RSF1: variants seen among roughly 807,000 people sequenced by gnomAD.
RSF1 encodes remodeling and spacing factor 1, also known as HBV pX-associated protein 8.
RSF1 carries 13 observed loss-of-function variants against 145.2 expected under a neutral mutation model. The ratio of observed to expected loss-of-function variants is 0.09; its 90% confidence interval spans 0.06 to 0.14. RSF1 has a LOEUF of 0.14. RSF1 is among the 10% of genes least tolerant of loss of function. The pLI, the probability that RSF1 is intolerant of heterozygous loss-of-function variation, is 1.00. For synonymous variants in RSF1, 577 were observed against 592.6 expected (o/e 0.97, Z 0.38); for missense variants, 1,517 against 1,718.2 (o/e 0.88, Z 2.07).
chr11:77,717,161 A>C lies in RSF1; in HGVS notation c.733+8384T>G, dbSNP rs999116159. Among the ~76,000 whole-genome samples the C allele has an allele frequency of 5.6e-5, 7 of 126,098 alleles. No individual in the cohort carries two copies. In the East Asian group the frequency reaches 1.6e-3, roughly 29 times the overall value. 82.7% of individuals were successfully genotyped at this position (126,098 alleles called of 152,430 possible). Reference sequence around the variant, plus strand: ...CCACTGTACCCCAGCATGGGCAAAAAAAAAACAAAAACCAAAAACCAAAAA... The same window carrying C: ...CCACTGTACCCCAGCATGGGCAAAACAAAAACAAAAACCAAAAACCAAAAA... On this transcript the variant is annotated intron_variant, in intron 5 of 15. Transcript: ENST00000308488.
chr11:77,797,969 C>G (rs906070834), intron 1 of RSF1, among the ~76,000 whole-genome samples: 22 of 152,156 alleles, frequency 1.4e-4, no homozygotes, highest in African/African-American at 5.1e-4. Flanking sequence ...CCATCTCACG[C>G]CAGTTAGAAT....
the RSF1 span, among the ~76,000 whole-genome samples, chr11:77,849,418 T>C: frequency 2.0e-5 from 3 of 152,112 alleles, no homozygotes; most frequent in African/African-American, 7.2e-5. Context: ...AAAGATGGCT[T>C]TCACCATGTT....
chr11:77,693,038 A>G (rs1423700690), intron 8 of RSF1, among the ~76,000 whole-genome samples: 1 of 152,234 alleles, frequency 6.6e-6, no homozygotes. Context: ...CAATGAGCAC[A>G]GCAGCACAGA....
At chr11:77,825,971 C>T in the RSF1 span, among the ~76,000 whole-genome samples, 2 of 152,120 alleles carry the variant, frequency 1.3e-5, no homozygotes, top group Non-Finnish European at 2.9e-5. Flanking sequence ...GGATTACAAG[C>T]GTGAGCCACC....
intron 5 of RSF1, among the ~76,000 whole-genome samples, chr11:77,718,978 G>A (rs1416756379): frequency 6.6e-6 from 1 of 152,218 alleles, no homozygotes; most frequent in African/African-American, 2.4e-5. Flanking sequence ...GCTGGGTGCA[G>A]TGGCTCACGC....
chr11:77,820,814 A>C, upstream of RSF1: 32 of 1,240,754 alleles, frequency 2.6e-5, no homozygotes, highest in Non-Finnish European at 3.3e-5. Context: ...AGGCGCTCTC[A>C]AGTGGGCTCC....
At chr11:77,784,134 CT>C (rs1948431693) in intron 1 of RSF1, among the ~76,000 whole-genome samples, 1 of 152,180 alleles carries the variant, frequency 6.6e-6, no homozygotes, top group Non-Finnish European at 1.5e-5. Flanking sequence ...CTCAAATACA[CT>C]TTATGGAGGC....
chr11:77,842,943 A>C, the RSF1 span, among the ~76,000 whole-genome samples: 14 of 152,172 alleles, frequency 9.2e-5, no homozygotes, highest in African/African-American at 3.4e-4. Context: ...TACCACTCCT[A>C]GCCCCTAGAA....
upstream of RSF1, among the ~76,000 whole-genome samples, chr11:77,821,588 G>T (rs1032568120): frequency 1.3e-5 from 2 of 152,130 alleles, no homozygotes; most frequent in Non-Finnish European, 2.9e-5. Flanking sequence ...TCTGCTAGGG[G>T]GCCATGGTGT....
intron 4 of RSF1, among the ~76,000 whole-genome samples, chr11:77,736,010 T>C (rs967768364): frequency 9.2e-5 from 14 of 152,234 alleles, no homozygotes; most frequent in Non-Finnish European, 1.9e-4. Context: ...GTGCTGGGAT[T>C]ACAGGTGTGA....
chr11:77,747,471 T>C (rs1948013932), intron 2 of RSF1, among the ~76,000 whole-genome samples: 3 of 152,174 alleles, frequency 2.0e-5, no homozygotes, highest in Admixed American at 2.0e-4. Flanking sequence ...ATGACAAAAA[T>C]TTATTCATCT....
chr11:77,675,750 T>C (rs1462909818), intron 13 of RSF1, among the ~76,000 whole-genome samples: 1 of 152,244 alleles, frequency 6.6e-6, no homozygotes, highest in Non-Finnish European at 1.5e-5. Context: ...ATACTCACCT[T>C]AACTACAAAA....
intron 1 of RSF1, among the ~76,000 whole-genome samples, chr11:77,806,888 G>A (rs117383611): frequency 1.8e-4 from 27 of 152,318 alleles, no homozygotes; most frequent in Non-Finnish European, 3.4e-4. Context: ...AACAAGGGAT[G>A]AAGAGAAAAT....
upstream of RSF1, chr11:77,820,985 C>A: frequency 3.9e-6 from 2 of 517,576 alleles, no homozygotes; most frequent in East Asian, 6.5e-5. Context: ...TCGGGCTTGC[C>A]ACTGCCTCGT....
intron 2 of RSF1, among the ~76,000 whole-genome samples, chr11:77,755,094 A>G (rs772879869): frequency 1.3e-5 from 2 of 152,238 alleles, no homozygotes. Context: ...TCTATTTCAA[A>G]TATGATGGGA....
At chr11:77,758,578 G>A (rs1358211333) in intron 2 of RSF1, among the ~76,000 whole-genome samples, 1 of 152,188 alleles carries the variant, frequency 6.6e-6, no homozygotes, top group Non-Finnish European at 1.5e-5. Flanking sequence ...ATTTAGGAGA[G>A]TTCCAATTTC....
At chr11:77,868,739 G>T in the RSF1 span, 4 of 230,922 alleles carry the variant, frequency 1.7e-5, no homozygotes, top group African/African-American at 2.3e-5. Flanking sequence ...CAGGGAATAG[G>T]CTCCAGCAAC....
chr11:77,752,847 G>A (rs1026682701), intron 2 of RSF1, among the ~76,000 whole-genome samples: 4 of 152,172 alleles, frequency 2.6e-5, no homozygotes, highest in East Asian at 1.9e-4. Flanking sequence ...AGGTCATAAA[G>A]ACCTTGCTGA....
At chr11:77,806,001 T>C (rs984096299) in intron 1 of RSF1, among the ~76,000 whole-genome samples, 2 of 152,202 alleles carry the variant, frequency 1.3e-5, no homozygotes, top group Non-Finnish European at 2.9e-5. Context: ...CAACTTCTCT[T>C]TCTCAGATCT....
Sources: allele counts gnomAD v4.1 joint callset (sites outside exome capture counted in the v4.1 genomes callset), GRCh38; gene constraint gnomAD v4.1.1; transcripts MANE v1.5; gene names NCBI Gene and HGNC (gene_info 2026-07-23, HGNC 2026-07-21).